Variants in DLGAP2 observed in about 807,000 individuals in gnomAD.
DLGAP2 encodes disks large-associated protein 2.
A neutral mutation model predicts 100.3 loss-of-function variants in DLGAP2; 26 were observed. The observed-to-expected ratio is 0.26, with a 90% CI of 0.19 to 0.36. The LOEUF (loss-of-function observed/expected upper bound fraction) is 0.36. Ranked by LOEUF, DLGAP2 falls within the 10% of genes least tolerant of loss-of-function variation. The pLI, the probability that DLGAP2 is intolerant of heterozygous loss-of-function variation, is 1.00. For missense variants in DLGAP2, 1,858 were observed against 1,453.2 expected, an observed-to-expected ratio of 1.28 and a Z score of -4.53; for synonymous variants, 886 against 630.1, an observed-to-expected ratio of 1.41 and a Z score of -6.08.
chr8:787,510 A>G (rs1287694578), intron 1 of DLGAP2, among the ~76,000 whole-genome samples: 1 of 152,188 alleles, frequency 6.6e-6, no homozygotes, highest in Admixed American at 6.5e-5. Context: ...GGGTCATTCC[A>G]TGGACCACTC....
In DLGAP2 at chr8:1,167,787, G is replaced by A. The variant is rs538010446; in HGVS notation, c.74-91064G>A. 7.2e-5 allele frequency among the ~76,000 whole-genome samples: 11 copies of A among 152,260 alleles called. No individual in the cohort carries two copies. In the South Asian group the frequency reaches 2.1e-3, roughly 29 times the overall value. ...AACGTCTACAGTGTCTGACACTGAG[G>A]TACAAAGTCAAGTATAAAGTACCTG... is the stretch of plus-strand genomic sequence containing the variant. On this transcript the variant is annotated intron_variant, in intron 2 of 14. Coordinates refer to ENST00000637795, the MANE Select transcript of DLGAP2 (RefSeq NM_001346810.2).
At chr8:828,631 G>A (rs1054548982) in intron 1 of DLGAP2, among the ~76,000 whole-genome samples, 1 of 152,114 alleles carries the variant, frequency 6.6e-6, no homozygotes, top group Non-Finnish European at 1.5e-5. Flanking sequence ...CATCCTTCTC[G>A]GCTGACAGGA....
At chr8:1,164,040 T>A in intron 2 of DLGAP2, among the ~76,000 whole-genome samples, 1 of 152,186 alleles carries the variant, frequency 6.6e-6, no homozygotes, top group Admixed American at 6.5e-5. Context: ...TCTCCTCTAG[T>A]GAGACTCGGT....
intron 1 of DLGAP2, among the ~76,000 whole-genome samples, chr8:761,227 C>T (rs1284249300): frequency 3.9e-5 from 6 of 152,148 alleles, no homozygotes; most frequent in African/African-American, 1.2e-4. Flanking sequence ...CTCTCCAGTT[C>T]CCAGTGAATT....
intron 2 of DLGAP2, among the ~76,000 whole-genome samples, chr8:984,425 A>T (rs182598506): frequency 3.6e-4 from 55 of 152,302 alleles, no homozygotes; most frequent in African/African-American, 1.3e-3. Flanking sequence ...CCTCCAATCC[A>T]GGAGCTGGTA....
chr8:1,145,958 G>C (rs570684643), intron 2 of DLGAP2, among the ~76,000 whole-genome samples: 115 of 151,818 alleles, frequency 7.6e-4, no homozygotes, highest in Non-Finnish European at 1.4e-3. Context: ...ATTTTTTATG[G>C]CTGCATAGTA....
intron 3 of DLGAP2, among the ~76,000 whole-genome samples, chr8:1,352,332 G>A (rs1037588311): frequency 7.2e-5 from 11 of 151,870 alleles, no homozygotes; most frequent in Admixed American, 1.3e-4. Context: ...GAGTGTGTGT[G>A]GAAAGGCTGT....
At chr8:783,746 C>A (rs1821763200) in intron 1 of DLGAP2, among the ~76,000 whole-genome samples, 1 of 152,096 alleles carries the variant, frequency 6.6e-6, no homozygotes, top group Non-Finnish European at 1.5e-5. Flanking sequence ...AAAGGTGTAC[C>A]CTCCCACCAC....
intron 4 of DLGAP2, among the ~76,000 whole-genome samples, chr8:1,513,575 T>C (rs1245560224): frequency 6.6e-6 from 1 of 152,202 alleles, no homozygotes; most frequent in African/African-American, 2.4e-5. Context: ...CAATACTGCC[T>C]GGAAAATTGC....
intron 6 of DLGAP2, among the ~76,000 whole-genome samples, chr8:1,566,743 G>T (rs182193226): frequency 1.4e-4 from 22 of 152,324 alleles, no homozygotes; most frequent in African/African-American, 5.1e-4. Context: ...AGTGCACCCA[G>T]TGATGAGCCA....
chr8:771,556 G>A (rs576149211), intron 1 of DLGAP2, among the ~76,000 whole-genome samples: 23 of 152,288 alleles, frequency 1.5e-4, no homozygotes, highest in African/African-American at 5.3e-4. Flanking sequence ...GATTGCCAGG[G>A]CAACTTTCAG....
intron 2 of DLGAP2, among the ~76,000 whole-genome samples, chr8:1,231,453 A>G (rs1798533763): frequency 6.6e-6 from 1 of 152,190 alleles, no homozygotes. Flanking sequence ...ATTTAGAACT[A>G]CTGTTTGACG....
rs530983598 is a variant in DLGAP2, at chr8:1,354,203, GA to G, written c.106+95325del. ...TGCTCACCAGTGGGATGTAATTTAA[GA>G]AAAAGAAAATACTTACGGAGGCCAG... is the stretch of plus-strand genomic sequence containing the variant. On this transcript the variant is annotated intron_variant, in intron 3 of 14. Coordinates refer to ENST00000637795, the MANE Select transcript of DLGAP2 (RefSeq NM_001346810.2). 2.4e-3 allele frequency among the ~76,000 whole-genome samples: 362 copies of G among 152,236 alleles called. 3 individuals carry two copies. The South Asian group carries it at 0.026, about 11-fold the overall frequency.
At chr8:1,301,011 C>T (rs1236037627) in intron 3 of DLGAP2, 1 of 152,380 alleles carries the variant, frequency 6.6e-6, no homozygotes, top group Non-Finnish European at 1.5e-5. Flanking sequence ...CGGAACGCGT[C>T]CCTGTCTGGC....
intron 3 of DLGAP2, among the ~76,000 whole-genome samples, chr8:1,332,378 C>G (rs1801177823): frequency 2.0e-5 from 3 of 151,860 alleles, no homozygotes; most frequent in Admixed American, 2.0e-4. Flanking sequence ...CATATCTGCA[C>G]ATGTGTGTTA....
At chr8:1,183,931 T>A (rs975165899) in intron 2 of DLGAP2, among the ~76,000 whole-genome samples, 2 of 152,228 alleles carry the variant, frequency 1.3e-5, no homozygotes, top group South Asian at 4.1e-4. Flanking sequence ...CATTTAATCA[T>A]TGCGTGATTA....
At chr8:1,171,092 C>T (rs994660369) in intron 2 of DLGAP2, among the ~76,000 whole-genome samples, 44 of 152,102 alleles carry the variant, frequency 2.9e-4, no homozygotes, top group African/African-American at 6.5e-4. Flanking sequence ...TCTTTGTTCT[C>T]GTTGGTTTCA....
At chr8:1,559,659 T>G (rs1471247555) in intron 5 of DLGAP2, among the ~76,000 whole-genome samples, 1 of 152,246 alleles carries the variant, frequency 6.6e-6, no homozygotes, top group Non-Finnish European at 1.5e-5. Flanking sequence ...ATGTTTTTAA[T>G]TCACAAAAAA....
intron 3 of DLGAP2, among the ~76,000 whole-genome samples, chr8:1,449,876 C>A (rs1461090614): frequency 1.4e-5 from 2 of 141,512 alleles, no homozygotes; most frequent in African/African-American, 2.6e-5. Context: ...GGTGGGCGGC[C>A]TCGGTGGCTG....
Sources: allele counts gnomAD v4.1 joint callset (sites outside exome capture counted in the v4.1 genomes callset), GRCh38; gene constraint gnomAD v4.1.1; transcripts MANE v1.5; gene names NCBI Gene and HGNC (gene_info 2026-07-23, HGNC 2026-07-21).